The following MOB1B variants were observed in gnomAD, a reference collection of about 807,000 sequenced individuals.
The protein encoded by MOB1B is MOB1 Mps One Binder homolog B.
Under a neutral mutation model 24.4 loss-of-function variants are expected in MOB1B, and 19 were observed. The observed-to-expected ratio is 0.78, with a 90% CI of 0.54 to 1.14. The LOEUF (loss-of-function observed/expected upper bound fraction) is 1.14. Among genes scored for constraint, MOB1B ranks in the 50% most tolerant of loss-of-function variants. The probability of loss-of-function intolerance (pLI) is 0.00; values close to 1 mark genes in which losing one functional copy is unlikely to be tolerated. For missense variants in MOB1B, 243 were observed against 259.6 expected (o/e 0.94, Z 0.44); for synonymous variants, 76 against 82.1 (o/e 0.93, Z 0.40).
rs1739410948 is a variant in MOB1B, at chr4:70,987,275, T to A, written c.*5218T>A. On this transcript the variant is annotated 3_prime_UTR_variant, in exon 6 of 6. Transcript: ENST00000309395. ...AAAGTTAAAATTTCAATATTTAATT[T>A]CTCTATATATTATTAATATTAAATT... The A allele has an allele frequency of 6.6e-6, 1 of 151,776 alleles. No individual in the cohort carries two copies. Among genetic ancestry groups the A allele is most frequent in the African/African-American group, 2.4e-5 (1 of 41,308 alleles). 9.4% of individuals were successfully genotyped at this position (151,776 alleles called of 1,614,324 possible). A position where few individuals can be genotyped will look rare whatever the true frequency, so the allele number is the denominator to read the frequency against.
intron 2 of MOB1B, among the ~76,000 whole-genome samples, chr4:70,959,952 C>T (rs1032052343): frequency 1.1e-4 from 16 of 152,074 alleles, no homozygotes; most frequent in African/African-American, 1.9e-4. Flanking sequence ...GACATGATCT[C>T]GGCTCACTCC....
At chr4:70,959,867 C>A (rs1238198095) in intron 2 of MOB1B, among the ~76,000 whole-genome samples, 1 of 151,892 alleles carries the variant, frequency 6.6e-6, no homozygotes, top group African/African-American at 2.4e-5. Flanking sequence ...AGTTATTTGT[C>A]TAATTGTGCT....
intron 1 of MOB1B, among the ~76,000 whole-genome samples, chr4:70,936,242 C>T (rs924529907): frequency 1.3e-5 from 2 of 152,148 alleles, no homozygotes; most frequent in African/African-American, 4.8e-5. Flanking sequence ...AGTCCGCCCA[C>T]CTCAGCCTCC....
chr4:70,914,224 A>G (rs2148869169), intron 1 of MOB1B, among the ~76,000 whole-genome samples: 1 of 152,266 alleles, frequency 6.6e-6, no homozygotes. Context: ...TTTAACTGTG[A>G]GCAATAAATT....
chr4:70,916,473 C>T (rs72852957), intron 1 of MOB1B, among the ~76,000 whole-genome samples: 1,621 of 152,242 alleles, frequency 0.011, 30 homozygotes, highest in African/African-American at 0.037. Context: ...CCAAGGTCCC[C>T]GTAAAACAAA....
At chr4:70,942,870 T>G (rs1737407155) in intron 1 of MOB1B, 1 of 889,710 alleles carries the variant, frequency 1.1e-6, no homozygotes, top group Non-Finnish European at 1.3e-6. Flanking sequence ...AATAAAGAAC[T>G]GGAGGCAAAG....
chr4:70,953,968 T>C (rs1422387673), intron 1 of MOB1B, among the ~76,000 whole-genome samples: 3 of 151,730 alleles, frequency 2.0e-5, no homozygotes, highest in Admixed American at 2.0e-4. Flanking sequence ...AAGAAGAAAG[T>C]TGCAAAATGG....
intron 1 of MOB1B, among the ~76,000 whole-genome samples, chr4:70,955,494 G>A (rs1389639601): frequency 3.2e-5 from 4 of 123,912 alleles, no homozygotes; most frequent in Non-Finnish European, 6.5e-5. Context: ...TTTGGGAGAC[G>A]ATGTCTTGCT....
intron 1 of MOB1B, among the ~76,000 whole-genome samples, chr4:70,914,312 G>T (rs942531664): frequency 1.3e-5 from 2 of 152,154 alleles, no homozygotes; most frequent in Non-Finnish European, 2.9e-5. Flanking sequence ...TGGATATAAG[G>T]ATTCCCATGT....
chr4:70,935,944 C>T (rs1014907567), intron 1 of MOB1B, among the ~76,000 whole-genome samples: 8 of 151,030 alleles, frequency 5.3e-5, no homozygotes, highest in Non-Finnish European at 1.0e-4. Flanking sequence ...CTCCGCCTCC[C>T]GGGTTCACGC....
In MOB1B at chr4:70,979,273, C is replaced by T; in HGVS notation, c.555C>T (p.His185=). The change falls in exon 5 of 6, where the codon CAC becomes CAT. Residue 185 remains histidine, a synonymous_variant. Coordinates refer to ENST00000309395, the MANE Select transcript of MOB1B (RefSeq NM_173468.4). ...CACATCTAAATACATCTTTCAAGCA[C>T]TTTATTTTTTTTGTCCAGGTAAGTT... The part of the protein sequence containing the change: ...EEAHLNTSFK[H]FIFFVQEFNL... The T allele has an allele frequency of 6.2e-7, 1 of 1,613,264 alleles. No homozygotes were observed.
chr4:70,956,489 G>A (rs1481793172), intron 1 of MOB1B, among the ~76,000 whole-genome samples: 5 of 152,048 alleles, frequency 3.3e-5, no homozygotes, highest in Admixed American at 3.3e-4. Flanking sequence ...GGAAAGCAGT[G>A]GCGTGATCTT....
chr4:70,916,996 T>G (rs1197205822), intron 1 of MOB1B, among the ~76,000 whole-genome samples: 1 of 152,218 alleles, frequency 6.6e-6, no homozygotes, highest in Non-Finnish European at 1.5e-5. Context: ...TAAAGTCTGT[T>G]GTGTAACAGT....
chr4:70,948,028 T>G (rs1737656130), intron 1 of MOB1B, among the ~76,000 whole-genome samples: 1 of 152,222 alleles, frequency 6.6e-6, no homozygotes, highest in Non-Finnish European at 1.5e-5. Context: ...TTCTTCTATG[T>G]TTTCTTCTAG....
intron 4 of MOB1B, among the ~76,000 whole-genome samples, chr4:70,977,993 A>G (rs1739067641): frequency 6.6e-6 from 1 of 152,106 alleles, no homozygotes. Flanking sequence ...GCTTCAGTAC[A>G]CTAAGTACAC....
At chr4:70,909,411 G>A (rs969882171) in intron 1 of MOB1B, among the ~76,000 whole-genome samples, 2 of 152,152 alleles carry the variant, frequency 1.3e-5, no homozygotes, top group African/African-American at 2.4e-5. Flanking sequence ...GGGAGGCTGA[G>A]GCAGAAGGAT....
intron 1 of MOB1B, among the ~76,000 whole-genome samples, chr4:70,933,233 A>G (rs1290483000): frequency 1.3e-5 from 2 of 152,202 alleles, no homozygotes; most frequent in Non-Finnish European, 2.9e-5. Context: ...AAGAACAGCA[A>G]GCGGGAAGTC....
At chr4:70,907,195 G>A (rs1055732289) in intron 1 of MOB1B, among the ~76,000 whole-genome samples, 19 of 152,168 alleles carry the variant, frequency 1.2e-4, no homozygotes, top group Admixed American at 1.1e-3. Context: ...TTTTGCTAAA[G>A]GGGCAAAATC....
intron 1 of MOB1B, among the ~76,000 whole-genome samples, chr4:70,938,675 C>T (rs1737192269): frequency 6.9e-6 from 1 of 145,778 alleles, no homozygotes; most frequent in South Asian, 2.3e-4. Flanking sequence ...TTACTTGCAC[C>T]TCCAGAGTAT....
Sources: allele counts gnomAD v4.1 joint callset (sites outside exome capture counted in the v4.1 genomes callset), GRCh38; gene constraint gnomAD v4.1.1; transcripts MANE v1.5; gene names NCBI Gene and HGNC (gene_info 2026-07-23, HGNC 2026-07-21).